Variants in PCDHA3 observed in about 807,000 individuals in gnomAD.
PCDHA3 encodes the protein protocadherin alpha-3.
Under a neutral mutation model 62.2 loss-of-function variants are expected in PCDHA3, and 41 were observed. That is an observed-to-expected ratio of 0.66 (90% CI 0.51 to 0.86). The LOEUF (loss-of-function observed/expected upper bound fraction) is 0.86, where lower values mean the gene tolerates loss of function less well. Ranked by LOEUF, PCDHA3 falls within the 40% of genes least tolerant of loss-of-function variation. The probability of loss-of-function intolerance (pLI) is 0.00; values close to 1 mark genes in which losing one functional copy is unlikely to be tolerated. For synonymous variants in PCDHA3, 640 were observed against 555.4 expected, an observed-to-expected ratio of 1.15 and a Z score of -2.14; for missense variants, 1,304 against 1,241.2, an observed-to-expected ratio of 1.05 and a Z score of -0.76.
chr5:140,925,951 A>G (rs1057448284), intron 1 of PCDHA3, among the ~76,000 whole-genome samples: 2 of 152,102 alleles, frequency 1.3e-5, no homozygotes, highest in Admixed American at 1.3e-4. Flanking sequence ...GAGAAGGAGA[A>G]ACTGCTATCA....
rs782413551 is a variant in PCDHA3, at chr5:141,009,873, A to G, written c.2789A>G (p.Lys930Arg). Residue 930 changes from lysine to arginine, a missense_variant, in exon 4 of 4, where the codon AAG becomes AGG. By Grantham distance (26) the Lys-to-Arg change is conservative. Coordinates refer to ENST00000522353, the MANE Select transcript of PCDHA3 (RefSeq NM_018906.3). ...EETKKKKKKK[K>R]GNKTQEKKEK... The stretch of plus-strand genomic sequence containing the variant: ...ACCAAGAAAAAGAAGAAAAAGAAGA[A>G]GGGTAACAAGACCCAGGAGAAAAAA... 6.2e-7 allele frequency: 1 copy of G among 1,614,034 alleles called. No individual in the cohort carries two copies. The highest frequency in any genetic ancestry group is 8.5e-7 in the Non-Finnish European group (1 of 1,180,008).
At chr5:140,827,022 A>G (rs1294814001) in intron 1 of PCDHA3, among the ~76,000 whole-genome samples, 2 of 152,218 alleles carry the variant, frequency 1.3e-5, no homozygotes, top group African/African-American at 4.8e-5. Context: ...TAAAAATATG[A>G]ATTTAAAAAT....
At chr5:141,001,959 C>T (rs755695273) in intron 3 of PCDHA3, among the ~76,000 whole-genome samples, 8 of 152,098 alleles carry the variant, frequency 5.3e-5, no homozygotes, top group Admixed American at 3.9e-4. Context: ...GAGGGAGAGG[C>T]GGGGTGTCTC....
chr5:140,969,140 T>G, intron 1 of PCDHA3: 1 of 1,613,980 alleles, frequency 6.2e-7, no homozygotes, highest in Non-Finnish European at 8.5e-7. Flanking sequence ...CAAGACCTAC[T>G]GCTACAAGGC....
In PCDHA3 at chr5:140,836,794, C is replaced by G. The variant is rs2150270032; in HGVS notation, c.2394+33203C>G. 3.6e-6 allele frequency: 5 copies of G among 1,396,752 alleles called. 1 individual carries two copies. The East Asian group carries it at 9.2e-5, about 26-fold the overall frequency. The allele number at this position is 1,396,752 out of a possible 1,614,324, so 86.5% of individuals were successfully genotyped here. ...TTTTAAAACAATTAGTTCAATTGGT[C>G]TCCTTAAATTTTCTTTCATAATTTC... is the stretch of plus-strand genomic sequence containing the variant. On this transcript the variant is annotated intron_variant, in intron 1 of 3. Coordinates refer to ENST00000522353, the MANE Select transcript of PCDHA3 (RefSeq NM_018906.3).
chr5:140,938,908 C>A (rs1213664574), intron 1 of PCDHA3, among the ~76,000 whole-genome samples: 1 of 152,074 alleles, frequency 6.6e-6, no homozygotes, highest in Non-Finnish European at 1.5e-5. Flanking sequence ...CACACACACA[C>A]ACGCACAAGA....
At position 140,808,692 on chromosome 5, in the gene PCDHA3, G is replaced by A. The variant is rs555898168; in HGVS notation, c.2394+5101G>A. 13 of 1,612,220 alleles carry A rather than the reference G, an allele frequency of 8.1e-6. No individual in the cohort carries two copies. The African/African-American group carries it at 1.5e-4, about 18-fold the overall frequency. ...CTGGTAGAGCGGCGGGTAGGGGAGC[G>A]CGCGCTGTCGAGCTACGTTTCGGTG... On this transcript the variant is annotated intron_variant, in intron 1 of 3. Transcript: ENST00000522353.
At chr5:140,906,248 T>C (rs143429198) in intron 1 of PCDHA3, among the ~76,000 whole-genome samples, 45 of 152,272 alleles carry the variant, frequency 3.0e-4, no homozygotes, top group African/African-American at 1.1e-3. Context: ...CTTGAACCCA[T>C]ACACACCTCC....
At chr5:140,827,717 A>G (rs1179234580) in intron 1 of PCDHA3, among the ~76,000 whole-genome samples, 2 of 152,248 alleles carry the variant, frequency 1.3e-5, no homozygotes, top group African/African-American at 4.8e-5. Context: ...ATATTGGTAG[A>G]AAAGTTGTTT....
At chr5:140,861,474 G>A in intron 1 of PCDHA3, 1 of 493,958 alleles carries the variant, frequency 2.0e-6, no homozygotes, top group East Asian at 5.8e-5. Context: ...TCTGCAGAAT[G>A]GCATTTTTGT....
At chr5:140,843,413 G>A (rs2150359466) in intron 1 of PCDHA3, 1 of 1,596,100 alleles carries the variant, frequency 6.3e-7, no homozygotes, top group Non-Finnish European at 8.6e-7. Flanking sequence ...GGATGTCAAC[G>A]TGTACCTGAT....
intron 1 of PCDHA3, chr5:140,862,791 G>A (rs782639549): frequency 1.7e-6 from 1 of 578,844 alleles, no homozygotes; most frequent in Non-Finnish European, 3.3e-6. Context: ...TGGACTACGA[G>A]GAGCTGGAGC....
intron 1 of PCDHA3, chr5:140,830,060 C>A: frequency 6.2e-7 from 1 of 1,613,712 alleles, no homozygotes; most frequent in Non-Finnish European, 8.5e-7. Context: ...CCACGGTGAG[C>A]CGGCGCTGAC....
At chr5:140,842,777 G>T (rs2150343988) in intron 1 of PCDHA3, 1 of 1,594,618 alleles carries the variant, frequency 6.3e-7, no homozygotes, top group Non-Finnish European at 8.6e-7. Flanking sequence ...GGACGCGCAG[G>T]AGAACGCGCT....
At chr5:140,916,367 CT>C (rs1359695566) in intron 1 of PCDHA3, among the ~76,000 whole-genome samples, 1 of 152,196 alleles carries the variant, frequency 6.6e-6, no homozygotes, top group Non-Finnish European at 1.5e-5. Flanking sequence ...GAGTCTTTCA[CT>C]GTAGCCACCA....
chr5:140,916,143 T>C (rs1237563249), intron 1 of PCDHA3, among the ~76,000 whole-genome samples: 3 of 152,012 alleles, frequency 2.0e-5, no homozygotes, highest in African/African-American at 7.2e-5. Flanking sequence ...GCTGTTCAGT[T>C]GTGTTGTGGT....
chr5:140,959,642 A>G (rs1352450996), intron 1 of PCDHA3, among the ~76,000 whole-genome samples: 7 of 152,230 alleles, frequency 4.6e-5, no homozygotes, highest in African/African-American at 1.7e-4. Flanking sequence ...GAAAAAACAC[A>G]GAAGCAAAAT....
chr5:140,820,836 G>C (rs1389375569), intron 1 of PCDHA3, among the ~76,000 whole-genome samples: 5 of 151,896 alleles, frequency 3.3e-5, no homozygotes. Context: ...ATCAGTAATA[G>C]CAACTTGAAG....
chr5:140,876,936 G>T, intron 1 of PCDHA3: 1 of 1,613,730 alleles, frequency 6.2e-7, no homozygotes, highest in South Asian at 1.1e-5. Flanking sequence ...AGAAGAACGC[G>T]CTGGTGTCCT....
Sources: gnomAD v4.1 joint callset for allele counts (sites outside exome capture counted in the v4.1 genomes callset) on GRCh38, gnomAD v4.1.1 for gene constraint, MANE v1.5 for transcripts, NCBI Gene and HGNC (gene_info 2026-07-23, HGNC 2026-07-21) for gene names.